Variants in JMJD1C observed in about 807,000 individuals in gnomAD.
The protein encoded by JMJD1C is jumonji domain containing 1C, also known as jumonji domain-containing protein 1C.
Under a neutral mutation model 245.3 loss-of-function variants are expected in JMJD1C, and 31 were observed. The observed-to-expected ratio is 0.13, with a 90% confidence interval of 0.09 to 0.17. The LOEUF is 0.17. Among genes scored for constraint, JMJD1C ranks in the 10% least tolerant of loss-of-function variants. The pLI, the probability that JMJD1C is intolerant of heterozygous loss-of-function variation, is 1.00. For synonymous variants in JMJD1C, 1,057 were observed against 1,017.4 expected, an observed-to-expected ratio of 1.04 and a Z score of -0.74; for missense variants, 2,691 against 3,000.2, an observed-to-expected ratio of 0.90 and a Z score of 2.41.
chr10:63,385,996 ACT>A (rs1425619368), intron 1 of JMJD1C, among the ~76,000 whole-genome samples: 1 of 152,174 alleles, frequency 6.6e-6, no homozygotes, highest in Non-Finnish European at 1.5e-5. Flanking sequence ...AAATAGATAC[ACT>A]GTGTTCACAA....
intron 3 of JMJD1C, among the ~76,000 whole-genome samples, chr10:63,226,812 C>T (rs1457569257): frequency 2.6e-5 from 4 of 151,336 alleles, no homozygotes; most frequent in African/African-American, 7.3e-5. Flanking sequence ...AATCCCAGCA[C>T]TTTGGGAAGC....
At position 63,329,979 on chromosome 10, in the gene JMJD1C, C is replaced by T. The variant is rs559776917; in HGVS notation, c.333+50339G>A. 6.6e-5 allele frequency among the ~76,000 whole-genome samples: 10 copies of T among 152,362 alleles called. No individual in the cohort carries two copies. In the South Asian group the frequency reaches 2.1e-3, roughly 32 times the overall value. On this transcript the variant is annotated intron_variant, in intron 2 of 25. Transcript: ENST00000399262. ...GCAGTGGTACAATCTAGGCTCACTGCAACCTCCGCCTCCTGGGTTCAAGAG... is the reference window on the plus strand; with the variant it reads ...GCAGTGGTACAATCTAGGCTCACTGTAACCTCCGCCTCCTGGGTTCAAGAG...
upstream of JMJD1C, among the ~76,000 whole-genome samples, chr10:63,468,177 C>A (rs1953376284): frequency 6.6e-6 from 1 of 152,212 alleles, no homozygotes; most frequent in South Asian, 2.1e-4. Context: ...CATATATCCC[C>A]AAAATATTTT....
At chr10:63,354,917 G>C (rs1489968674) in intron 2 of JMJD1C, among the ~76,000 whole-genome samples, 7 of 151,642 alleles carry the variant, frequency 4.6e-5, no homozygotes, top group African/African-American at 1.5e-4. Context: ...CAGCTACTTG[G>C]GAGGCTGAGG....
intron 1 of JMJD1C, among the ~76,000 whole-genome samples, chr10:63,414,151 T>A (rs916394919): frequency 2.0e-5 from 3 of 151,890 alleles, no homozygotes; most frequent in Non-Finnish European, 2.9e-5. Flanking sequence ...CACGCCCAGC[T>A]AATTTTTTGT....
chr10:63,303,354 G>A (rs142757036), intron 2 of JMJD1C, among the ~76,000 whole-genome samples: 105 of 152,218 alleles, frequency 6.9e-4, no homozygotes, highest in African/African-American at 2.3e-3. Context: ...CGCCCAGGCC[G>A]GAGTACAGTG....
At chr10:63,396,366 C>T (rs1158509295) in intron 1 of JMJD1C, among the ~76,000 whole-genome samples, 2 of 152,128 alleles carry the variant, frequency 1.3e-5, no homozygotes, top group South Asian at 2.1e-4. Flanking sequence ...AACAGTATTT[C>T]CTAAGAGATA....
intron 2 of JMJD1C, among the ~76,000 whole-genome samples, chr10:63,278,031 C>A (rs924810332): frequency 1.3e-5 from 2 of 151,544 alleles, no homozygotes; most frequent in Non-Finnish European, 2.9e-5. Flanking sequence ...CTGTACCCAG[C>A]CTGCATTTTA....
At chr10:63,294,405 C>T (rs148191149) in intron 2 of JMJD1C, among the ~76,000 whole-genome samples, 7,723 of 151,996 alleles carry the variant, frequency 0.051, 293 homozygotes, top group African/African-American at 0.11. Flanking sequence ...CCTGCCTCGG[C>T]CTCCTGAGTA....
At chr10:63,294,695 G>C (rs1188812913) in intron 2 of JMJD1C, among the ~76,000 whole-genome samples, 2 of 152,046 alleles carry the variant, frequency 1.3e-5, no homozygotes, top group Non-Finnish European at 2.9e-5. Context: ...TATCTGTTTG[G>C]ACTTCTACTA....
intron 1 of JMJD1C, among the ~76,000 whole-genome samples, chr10:63,503,268 T>C (rs1243568557): frequency 6.6e-6 from 1 of 151,930 alleles, no homozygotes; most frequent in Admixed American, 6.6e-5. Flanking sequence ...TTTTTAGGGG[T>C]TTTTGGGGGG....
At chr10:63,387,432 C>T (rs1947694061) in intron 1 of JMJD1C, among the ~76,000 whole-genome samples, 1 of 151,394 alleles carries the variant, frequency 6.6e-6, no homozygotes, top group Non-Finnish European at 1.5e-5. Flanking sequence ...AAAAGAAAAA[C>T]AATTCAGGAT....
In JMJD1C at chr10:63,303,716, T is replaced by C. The variant is rs571976042; in HGVS notation, c.334-38952A>G. Among the ~76,000 whole-genome samples, 15 of 152,316 alleles carry C rather than the reference T, an allele frequency of 9.8e-5. No homozygotes were observed. In the East Asian group the frequency reaches 1.2e-3, roughly 12 times the overall value. ...ACTGTTATGTCACTTTGTAAGCACA[T>C]AGACATTTCATGCATCTAAGATCAA... On this transcript the variant is annotated intron_variant, in intron 2 of 25. Coordinates refer to ENST00000399262, the MANE Select transcript of JMJD1C (RefSeq NM_032776.3).
chr10:63,168,586 C>A lies in JMJD1C; in HGVS notation c.7402-20G>T. ...CTGAACCTATCCCCAAAAGAAAAAC[C>A]GTGAAATACAAGTTTTAGGAGGTGG... On this transcript the variant is annotated intron_variant, in intron 24 of 25. Transcript: ENST00000399262. 3.2e-6 allele frequency: 5 copies of A among 1,546,820 alleles called. No homozygotes were observed. The highest frequency in any genetic ancestry group is 1.4e-5 in the African/African-American group (1 of 71,178).
At chr10:63,315,349 G>A (rs9414793) in intron 2 of JMJD1C, among the ~76,000 whole-genome samples, 130,625 of 152,054 alleles carry the variant, frequency 0.86, 56,798 homozygotes, top group African/African-American at 0.96. Context: ...GCTCTTACTT[G>A]TAAGTAAGAA....
intron 2 of JMJD1C, among the ~76,000 whole-genome samples, chr10:63,334,008 A>T (rs1942437790): frequency 6.6e-6 from 1 of 152,156 alleles, no homozygotes; most frequent in Admixed American, 6.6e-5. Context: ...TATACTGATA[A>T]AAAGAAAGTA....
intron 2 of JMJD1C, among the ~76,000 whole-genome samples, chr10:63,367,918 T>G (rs1945990191): frequency 6.6e-6 from 1 of 152,180 alleles, no homozygotes. Context: ...CTGAATGCAT[T>G]ATGGAGATAT....
chr10:63,392,143 A>T (rs1404220029), intron 1 of JMJD1C, among the ~76,000 whole-genome samples: 1 of 152,204 alleles, frequency 6.6e-6, no homozygotes, highest in Non-Finnish European at 1.5e-5. Flanking sequence ...CATTTTGATA[A>T]TTGGTATGTG....
chr10:63,467,574 G>C (rs748939048), upstream of JMJD1C, among the ~76,000 whole-genome samples: 1 of 152,194 alleles, frequency 6.6e-6, no homozygotes, highest in Non-Finnish European at 1.5e-5. Flanking sequence ...ACCCAAAAAT[G>C]CATATCGGCA....
Sources: allele counts gnomAD v4.1 joint callset (sites outside exome capture counted in the v4.1 genomes callset), GRCh38; gene constraint gnomAD v4.1.1; transcripts MANE v1.5; gene names NCBI Gene and HGNC (gene_info 2026-07-23, HGNC 2026-07-21).